The following CAMSAP3 variants were observed in gnomAD, a reference collection of about 807,000 sequenced individuals.
CAMSAP3 encodes the protein calmodulin regulated spectrin associated protein family member 3.
In CAMSAP3, 34 loss-of-function variants were observed where a neutral mutation model predicts 112.5. The observed-to-expected ratio is 0.30, with a 90% CI of 0.23 to 0.40. The LOEUF (loss-of-function observed/expected upper bound fraction) is 0.40, where lower values mean the gene tolerates loss of function less well. Ranked by LOEUF, CAMSAP3 falls within the 10% of genes least tolerant of loss-of-function variation. CAMSAP3 has a pLI of 1.00. For missense variants in CAMSAP3, 1,602 were observed against 1,770.3 expected (o/e 0.90, Z 1.71); for synonymous variants, 868 against 799.8 (o/e 1.09, Z -1.44).
chr19:7,602,035 G>C (rs920811303), intron 1 of CAMSAP3, among the ~76,000 whole-genome samples: 1 of 151,954 alleles, frequency 6.6e-6, no homozygotes, highest in African/African-American at 2.4e-5. Context: ...CTGCACTCCA[G>C]CCTGGGTGAC....
At chr19:7,609,064 G>A (rs2146167312) in intron 5 of CAMSAP3, among the ~76,000 whole-genome samples, 1 of 151,742 alleles carries the variant, frequency 6.6e-6, no homozygotes, top group East Asian at 2.0e-4. Context: ...GCTCACGCCT[G>A]TAATCCCAGC....
At chr19:7,606,136 GCCC>G in intron 2 of CAMSAP3, 132 bp from the exon 3 acceptor site, 1 of 511,798 alleles carries the variant, frequency 2.0e-6, no homozygotes, top group Admixed American at 3.1e-5. Flanking sequence ...TGAACCACTG[GCCC>G]CGCCCCCTCA....
chr19:7,599,212 C>G (rs2029862778), intron 1 of CAMSAP3, among the ~76,000 whole-genome samples: 1 of 149,412 alleles, frequency 6.7e-6, no homozygotes, highest in African/African-American at 2.5e-5. Flanking sequence ...CATCTACCCA[C>G]TCATCCATCC....
At chr19:7,604,343 G>A (rs117166939) in intron 1 of CAMSAP3, among the ~76,000 whole-genome samples, 2,881 of 152,166 alleles carry the variant, frequency 0.019, 150 homozygotes, top group Admixed American at 0.12. Flanking sequence ...ACCTCAGGCT[G>A]TCTCTATGAT....
chr19:7,611,870 C>T lies in CAMSAP3; in HGVS notation c.1377C>T (p.Ile459=). The change falls in exon 11 of 17, where the codon ATC becomes ATT. Residue 459 remains isoleucine, a synonymous_variant. Coordinates refer to ENST00000160298, the MANE Select transcript of CAMSAP3 (RefSeq NM_020902.2). This position sits in a 1 kb window ranked among gnomAD's most constrained non-coding sequence, Gnocchi z 6.9. ...CGGAGCCTGGTGACCTGCCCACCAT[C>T]GAGGAAGCTCTGCAGATCATCCACA... ...PPPEPGDLPT[I]EEALQIIHSA... 2 of 1,565,426 alleles carry T rather than the reference C, an allele frequency of 1.3e-6. No individual in the cohort carries two copies. Among genetic ancestry groups the T allele is most frequent in the Non-Finnish European group, 1.7e-6 (2 of 1,154,698 alleles).
Position 7,612,404 on chromosome 19 carries a change from C to T in CAMSAP3, c.1911C>T (p.Phe637=), listed in dbSNP as rs1402685405. Residue 637 remains phenylalanine (F), a synonymous_variant, in exon 11 of 17, where the codon TTC becomes TTT. Transcript: ENST00000160298. Reference sequence around the variant, plus strand: ...GCCAGCGGCTGGGCAAAAGCGCCTTCCTGCAGGTGCAGCCGCGGGAAGCCT... The same window carrying T: ...GCCAGCGGCTGGGCAAAAGCGCCTTTCTGCAGGTGCAGCCGCGGGAAGCCT... ...KHRQRLGKSA[F]LQVQPREASG... The T allele has an allele frequency of 1.9e-6, 3 of 1,595,290 alleles. No individual in the cohort carries two copies. The highest frequency in any genetic ancestry group is 2.2e-5 in the South Asian group (2 of 89,014).
chr19:7,614,918 C>G, intron 11 of CAMSAP3: 2 of 571,572 alleles, frequency 3.5e-6, no homozygotes, highest in South Asian at 4.1e-5. Flanking sequence ...CGAGCTTTTG[C>G]TGGCACTCAC....
rs2030416655 is a variant in CAMSAP3, at chr19:7,610,406, GTCCCTGGCT to G, written c.761-62_761-54del. ...GTCTTCCGTGTGTGGGGGACTGCTG[GTCCCTGGCT>G]TCCCTGGGGCCCCATCCTCCTCCTC... On this transcript the variant is annotated intron_variant, in intron 5 of 16. Transcript: ENST00000160298. This position sits in a 1 kb window ranked among gnomAD's most constrained non-coding sequence, Gnocchi z 4.9. 2 of 1,458,306 alleles carry G rather than the reference GTCCCTGGCT, an allele frequency of 1.4e-6. No homozygotes were observed. Among genetic ancestry groups the G allele is most frequent in the Admixed American group, 3.9e-5 (2 of 51,568 alleles). The allele number at this position is 1,458,306 out of a possible 1,614,324, so 90.3% of individuals were successfully genotyped here.
At chr19:7,596,845 G>A (rs1354679853) in intron 1 of CAMSAP3, among the ~76,000 whole-genome samples, 1 of 152,092 alleles carries the variant, frequency 6.6e-6, no homozygotes, top group Non-Finnish European at 1.5e-5. Flanking sequence ...CCTGGGGTGG[G>A]CCCCCCGCTC....
chr19:7,607,307 AAATCCC>A lies in CAMSAP3; in HGVS notation c.621+738_621+743del, dbSNP rs562538117. Among the ~76,000 whole-genome samples the A allele has an allele frequency of 5.2e-4, 79 of 152,266 alleles. No individual in the cohort carries two copies. In the East Asian group the frequency reaches 8.1e-3, roughly 16 times the overall value. Reference sequence around the variant, plus strand: ...TGAGACCCCCAGCTTCCCTAGAGAAAAATCCCAGCTTTGAAAAGGAGGAGGAGGCCC... The same window carrying A: ...TGAGACCCCCAGCTTCCCTAGAGAAAAGCTTTGAAAAGGAGGAGGAGGCCC... On this transcript the variant is annotated intron_variant, in intron 4 of 16. Transcript: ENST00000160298. The surrounding 1 kb of genome is among the most constrained non-coding windows in gnomAD (Gnocchi z 4.9).
At chr19:7,613,486 TGA>T (rs979361952) in intron 11 of CAMSAP3, among the ~76,000 whole-genome samples, 11 of 141,502 alleles carry the variant, frequency 7.8e-5, no homozygotes, top group Non-Finnish European at 7.6e-5. Context: ...TGCAGTGGGG[TGA>T]GAGGTCCTCC....
At chr19:7,597,961 C>G (rs1165658348) in intron 1 of CAMSAP3, among the ~76,000 whole-genome samples, 1 of 152,124 alleles carries the variant, frequency 6.6e-6, no homozygotes, top group East Asian at 1.9e-4. Context: ...CCCTGTTCCA[C>G]TCCCCTAAAA....
At position 7,612,411 on chromosome 19, in the gene CAMSAP3, G is replaced by A; in HGVS notation, c.1918G>A (p.Val640Met). ...QRLGKSAFLQ[V>M]QPREASGEAE... ...GCTGGGCAAAAGCGCCTTCCTGCAG[G>A]TGCAGCCGCGGGAAGCCTCTGGGGA... Residue 640 changes from valine to methionine, a missense_variant, in exon 11 of 17, where the codon GTG becomes ATG. Transcript: ENST00000160298. 1 of 1,592,664 alleles carries A rather than the reference G, an allele frequency of 6.3e-7. No individual in the cohort carries two copies. Among genetic ancestry groups the A allele is most frequent in the African/African-American group, 1.3e-5 (1 of 74,656 alleles).
At position 7,611,978 on chromosome 19, in the gene CAMSAP3, C is replaced by A. The variant is rs1429781339; in HGVS notation, c.1485C>A (p.Ser495=). The A allele has an allele frequency of 4.3e-6, 7 of 1,612,018 alleles. No individual in the cohort carries two copies. The East Asian group carries it at 1.6e-4, about 36-fold the overall frequency. ...LHSPEGPSKP[S]LASPYLPEGT... ...CCCCTGAGGGGCCCTCCAAGCCATC[C>A]CTGGCCTCCCCCTACCTGCCCGAGG... Residue 495 remains serine (S), a synonymous_variant, in exon 11 of 17, where the codon TCC becomes TCA. Coordinates refer to ENST00000160298, the MANE Select transcript of CAMSAP3 (RefSeq NM_020902.2). The surrounding 1 kb of genome is among the most constrained non-coding windows in gnomAD (Gnocchi z 6.9).
In CAMSAP3 at chr19:7,615,639, G is replaced by C. The variant is rs768844977; in HGVS notation, c.3032G>C (p.Gly1011Ala). ...RAAGSGGPGR[G>A]GRRATRPRSG... ...GCGGGGTCCGGGGGTCCAGGTCGGG[G>C]CGGGCGGAGGGCCACCCGGCCTCGC... Residue 1011 changes from glycine (G) to alanine (A), a missense_variant, in exon 13 of 17, where the codon GGC becomes GCC. By Grantham distance (60) the Gly-to-Ala change is moderately conservative. Around this residue, in one of 6 missense-constraint regions of CAMSAP3, gnomAD observed 1,100 missense variants for 1,135.7 expected, o/e 0.97. Transcript: ENST00000160298. The surrounding 1 kb of genome is among the most constrained non-coding windows in gnomAD (Gnocchi z 6.5). 8.4e-6 allele frequency: 12 copies of C among 1,433,218 alleles called. No homozygotes were observed. The highest frequency in any genetic ancestry group is 1.1e-5 in the Non-Finnish European group (12 of 1,097,512). The allele number at this position is 1,433,218 out of a possible 1,614,324, so 88.8% of individuals were successfully genotyped here.
chr19:7,608,045 C>A, intron 4 of CAMSAP3, 81 bp from the exon 5 acceptor site: 2 of 1,541,388 alleles, frequency 1.3e-6, no homozygotes, highest in East Asian at 2.3e-5. Flanking sequence ...GCGGAAACCC[C>A]AGGCCTCCCT....
At chr19:7,603,103 C>G (rs1021368641) in intron 1 of CAMSAP3, among the ~76,000 whole-genome samples, 7 of 152,064 alleles carry the variant, frequency 4.6e-5, no homozygotes, top group Admixed American at 2.0e-4. Flanking sequence ...CAGGGAGGGA[C>G]AGAAGGCAGC....
rs778075946 is a variant in CAMSAP3 at position 7,610,432 on chromosome 19, C to G, written c.761-44C>G. 3 of 1,565,280 alleles carry G rather than the reference C, an allele frequency of 1.9e-6. No individual in the cohort carries two copies. The South Asian group carries it at 3.6e-5, about 19-fold the overall frequency. ...TCCCTGGCTTCCCTGGGGCCCCATC[C>G]TCCTCCTCATAGAGTTGGGGACCCA... is the stretch of plus-strand genomic sequence containing the variant. On this transcript the variant is annotated intron_variant, in intron 5 of 16. Coordinates refer to ENST00000160298, the MANE Select transcript of CAMSAP3 (RefSeq NM_020902.2). The surrounding 1 kb of genome is among the most constrained non-coding windows in gnomAD (Gnocchi z 4.9).
Position 7,608,215 on chromosome 19 carries a change from G to A in CAMSAP3, c.711G>A (p.Ala237=), listed in dbSNP as rs199927493. The part of the protein sequence containing the change: ...TSLQDLASGA[A]LAATIHCYCP... Reference sequence around the variant, plus strand: ...TCCAGGACCTGGCCAGTGGGGCCGCGCTGGCCGCCACCATCCACTGCTATT... The same window carrying A: ...TCCAGGACCTGGCCAGTGGGGCCGCACTGGCCGCCACCATCCACTGCTATT... Residue 237 remains alanine (A), a synonymous_variant, in exon 5 of 17, where the codon GCG becomes GCA. Transcript: ENST00000160298. The A allele has an allele frequency of 9.1e-4, 1,467 of 1,612,642 alleles. 26 individuals are homozygous for A. Among genetic ancestry groups the A allele is most frequent in the South Asian group, 7.2e-4 (66 of 91,080 alleles).
Sources: allele counts gnomAD v4.1 joint callset (sites outside exome capture counted in the v4.1 genomes callset), GRCh38; gene constraint gnomAD v4.1.1; regional missense constraint gnomAD v4.1.1; non-coding constraint Gnocchi (gnomAD v3.1); transcripts MANE v1.5; gene names NCBI Gene and HGNC (gene_info 2026-07-23, HGNC 2026-07-21).